The following OXSR1 variants were observed in gnomAD, a reference collection of about 807,000 sequenced individuals.
The protein encoded by OXSR1 is serine/threonine-protein kinase OSR1.
OXSR1 carries 24 observed loss-of-function variants against 79.8 expected under a neutral mutation model. The observed-to-expected ratio is 0.30, with a 90% CI of 0.22 to 0.42. The LOEUF is 0.42. Among genes scored for constraint, OXSR1 ranks in the 10% least tolerant of loss-of-function variants. The pLI is 1.00. For synonymous variants in OXSR1, 226 were observed against 209.2 expected, an observed-to-expected ratio of 1.08 and a Z score of -0.69; for missense variants, 430 against 618.4, an observed-to-expected ratio of 0.70 and a Z score of 3.23.
rs1055056520 is a variant in OXSR1, at chr3:38,216,511, C to G, written c.490+360C>G. The stretch of plus-strand genomic sequence containing the variant: ...ATAAGTACGTTATATAGAGGCTATA[C>G]AGAGCTTCTTCTGTCCTGGGGGAAA... On this transcript the variant is annotated intron_variant, in intron 5 of 17. Transcript: ENST00000311806. 5.9e-5 allele frequency among the ~76,000 whole-genome samples: 9 copies of G among 152,130 alleles called. No homozygotes were observed. In the South Asian group the frequency reaches 1.9e-3, roughly 32 times the overall value.
At chr3:38,204,514 A>T (rs371709266) in intron 4 of OXSR1, among the ~76,000 whole-genome samples, 1 of 151,938 alleles carries the variant, frequency 6.6e-6, no homozygotes, top group African/African-American at 2.4e-5. Context: ...TGCCACTGCC[A>T]ATTATGCAGG....
intron 1 of OXSR1, among the ~76,000 whole-genome samples, chr3:38,181,437 C>G (rs1337909139): frequency 6.7e-6 from 1 of 149,824 alleles, no homozygotes; most frequent in Non-Finnish European, 1.5e-5. Context: ...CTCACTGCAA[C>G]CTCCGCCTCC....
intron 3 of OXSR1, among the ~76,000 whole-genome samples, chr3:38,197,291 T>C (rs1450685242): frequency 6.6e-6 from 1 of 152,218 alleles, no homozygotes; most frequent in African/African-American, 2.4e-5. Context: ...TATCTCCTAT[T>C]GGAGGTGAAG....
chr3:38,228,847 C>T (rs916187932), intron 8 of OXSR1, among the ~76,000 whole-genome samples: 4 of 152,170 alleles, frequency 2.6e-5, no homozygotes, highest in Non-Finnish European at 5.9e-5. Context: ...TCTGGGATTA[C>T]AAGCATGAGC....
intron 2 of OXSR1, among the ~76,000 whole-genome samples, chr3:38,185,973 A>AAAAAG (rs1559504048): frequency 6.7e-6 from 1 of 150,330 alleles, no homozygotes; most frequent in African/African-American, 2.5e-5. Flanking sequence ...AAAAAAAAAA[A>AAAAAG]AAAAGTCATG....
intron 7 of OXSR1, 74 bp downstream of exon 7, chr3:38,223,987 A>ATT: frequency 2.9e-5 from 22 of 771,320 alleles, no homozygotes; most frequent in Admixed American, 8.5e-5. Context: ...CAGTCTTTTA[A>ATT]TTTTTTTTTT....
At chr3:38,204,288 C>T (rs1702226443) in intron 4 of OXSR1, among the ~76,000 whole-genome samples, 1 of 152,018 alleles carries the variant, frequency 6.6e-6, no homozygotes, top group African/African-American at 2.4e-5. Context: ...AGAGCCAAGG[C>T]CTGGAATTGG....
intron 14 of OXSR1, among the ~76,000 whole-genome samples, chr3:38,248,051 G>T (rs569401271): frequency 1.7e-4 from 26 of 152,144 alleles, no homozygotes; most frequent in Non-Finnish European, 2.6e-4. Flanking sequence ...TTTTAGGGGA[G>T]CAGCACTAAC....
intron 4 of OXSR1, among the ~76,000 whole-genome samples, chr3:38,199,175 G>T (rs1215172231): frequency 2.0e-5 from 3 of 151,778 alleles, no homozygotes; most frequent in African/African-American, 7.3e-5. Flanking sequence ...ATGTAATTTT[G>T]TCTGTTGCTT....
At chr3:38,193,631 T>TA (rs1327579008) in intron 3 of OXSR1, among the ~76,000 whole-genome samples, 41 of 151,572 alleles carry the variant, frequency 2.7e-4, no homozygotes, top group Non-Finnish European at 1.5e-4. Flanking sequence ...TTTTTTTTTT[T>TA]AAGAATTCCT....
In OXSR1 at chr3:38,229,714, C is replaced by G. The variant is rs773609974; in HGVS notation, c.864C>G (p.His288Gln). The stretch of plus-strand genomic sequence containing the variant: ...CAACAGCAGCAGAACTATTAAGGCA[C>G]AAATTTTTCCAGAAAGCAAAGGTAG... ...KRPTAAELLR[H>Q]KFFQKAKNKE... is the part of the protein sequence containing the mutation. The change falls in exon 9 of 18, where the codon CAC (histidine) becomes CAG (glutamine). Residue 288 changes from histidine (H) to glutamine (Q), a missense_variant. By Grantham distance (24) the His-to-Gln change is conservative (BLOSUM62 0). This residue lies in a region of OXSR1 where 276 missense variants were observed against 354.2 expected (regional missense o/e 0.78). Transcript: ENST00000311806. 1.2e-6 allele frequency: 2 copies of G among 1,611,688 alleles called. No homozygotes were observed. The highest frequency in any genetic ancestry group is 4.5e-5 in the East Asian group (2 of 44,660).
intron 4 of OXSR1, among the ~76,000 whole-genome samples, chr3:38,214,975 T>C (rs1026478945): frequency 1.3e-5 from 2 of 152,232 alleles, no homozygotes; most frequent in Non-Finnish European, 2.9e-5. Context: ...TTCTTTCTTG[T>C]GTAGCTTCAA....
chr3:38,233,149 T>G (rs1228152594), intron 10 of OXSR1, among the ~76,000 whole-genome samples: 1 of 152,180 alleles, frequency 6.6e-6, no homozygotes, highest in Non-Finnish European at 1.5e-5. Context: ...GTCTCTGAAC[T>G]GAAGGACACC....
Position 38,242,787 on chromosome 3 carries a change from T to C in OXSR1, c.1110+9T>C, listed in dbSNP as rs775312439. On this transcript the variant is annotated intron_variant, in intron 12 of 17. Transcript: ENST00000311806. Reference sequence around the variant, plus strand: ...CAATATCAAATTCTGAGGTAAGTAATTGTGATTATTGAATCCTTGTTAAAG... The same window carrying C: ...CAATATCAAATTCTGAGGTAAGTAACTGTGATTATTGAATCCTTGTTAAAG... 4.5e-5 allele frequency: 67 copies of C among 1,486,512 alleles called. No individual in the cohort carries two copies. The South Asian group carries it at 6.0e-4, about 13-fold the overall frequency. The allele number at this position is 1,486,512 out of a possible 1,614,324, so 92.1% of individuals were successfully genotyped here.
chr3:38,246,262 A>G (rs1471561089), intron 13 of OXSR1, 41 bp downstream of exon 13: 1 of 1,590,642 alleles, frequency 6.3e-7, no homozygotes, highest in Non-Finnish European at 8.6e-7. Flanking sequence ...TCCTTTGGAT[A>G]GATGAAAAGA....
At chr3:38,181,354 G>GTTTT (rs1201344941) in intron 1 of OXSR1, among the ~76,000 whole-genome samples, 9 of 128,158 alleles carry the variant, frequency 7.0e-5, no homozygotes, top group Non-Finnish European at 9.9e-5. Context: ...TGTTTCAAAA[G>GTTTT]TTTTTTTTTT....
At chr3:38,238,935 C>T (rs761082364) in intron 11 of OXSR1, among the ~76,000 whole-genome samples, 32 of 151,956 alleles carry the variant, frequency 2.1e-4, no homozygotes, top group African/African-American at 7.5e-4. Context: ...TTAGGCAGCT[C>T]GAAGTTGTCT....
chr3:38,188,320 C>T (rs1206930352), intron 2 of OXSR1, among the ~76,000 whole-genome samples: 2 of 152,152 alleles, frequency 1.3e-5, no homozygotes, highest in Non-Finnish European at 2.9e-5. Flanking sequence ...ATTATTATCT[C>T]GACTCTTCCC....
At chr3:38,197,767 A>G (rs1227726876) in intron 3 of OXSR1, among the ~76,000 whole-genome samples, 3 of 152,148 alleles carry the variant, frequency 2.0e-5, no homozygotes, top group African/African-American at 4.8e-5. Flanking sequence ...TTTTCTTGTT[A>G]AAGTGTGTGA....
Sources: allele counts gnomAD v4.1 joint callset (sites outside exome capture counted in the v4.1 genomes callset), GRCh38; gene constraint gnomAD v4.1.1; regional missense constraint gnomAD v4.1.1; transcripts MANE v1.5; gene names NCBI Gene and HGNC (gene_info 2026-07-23, HGNC 2026-07-21).